UBR7: variants seen among roughly 807,000 people sequenced by gnomAD.
UBR7 encodes putative E3 ubiquitin-protein ligase UBR7.
A neutral mutation model predicts 57.0 loss-of-function variants in UBR7; 22 were observed. That is an observed-to-expected ratio of 0.39 (90% CI 0.28 to 0.55). UBR7 has a LOEUF of 0.55. UBR7 is among the 20% of genes least tolerant of loss of function. The pLI is 0.69. For synonymous variants in UBR7, 167 were observed against 179.8 expected, an observed-to-expected ratio of 0.93 and a Z score of 0.57; for missense variants, 395 against 513.2, an observed-to-expected ratio of 0.77 and a Z score of 2.23.
chr14:93,228,452 CTG>C lies in UBR7; in HGVS notation c.*1421_*1422del. 1 of 454,146 alleles carries C rather than the reference CTG, an allele frequency of 2.2e-6. No individual in the cohort carries two copies. The highest frequency in any genetic ancestry group is 4.4e-6 in the Non-Finnish European group (1 of 226,800). 28.1% of individuals were successfully genotyped at this position (454,146 alleles called of 1,614,324 possible). The stretch of plus-strand genomic sequence containing the variant: ...TTAATACTCCTTATGTGTCCAGCAT[CTG>C]TGTATTCATTCGAGTGCCCAATCCC... On this transcript the variant is annotated 3_prime_UTR_variant, in exon 11 of 11. Transcript: ENST00000013070.
intron 6 of UBR7, among the ~76,000 whole-genome samples, chr14:93,216,101 TA>T (rs957696445): frequency 1.3e-5 from 2 of 152,224 alleles, no homozygotes; most frequent in African/African-American, 4.8e-5. Context: ...CCGTACCTGT[TA>T]AAAGGGGCAA....
At position 93,228,188 on chromosome 14, in the gene UBR7, TC is replaced by T. The variant is rs1350996985; in HGVS notation, c.*1154del. The T allele has an allele frequency of 1.9e-6, 1 of 536,182 alleles. No individual in the cohort carries two copies. The highest frequency in any genetic ancestry group is 1.9e-5 in the African/African-American group (1 of 53,450). 33.2% of individuals were successfully genotyped at this position (536,182 alleles called of 1,614,324 possible). ...CGCCACTTCCCTAACGACTATGAGA[TC>T]TTTTTTTTGAAGATCCTCATGGAAG... On this transcript the variant is annotated 3_prime_UTR_variant, in exon 11 of 11. Transcript: ENST00000013070.
intron 9 of UBR7, among the ~76,000 whole-genome samples, chr14:93,221,983 T>C (rs755733911): frequency 1.3e-5 from 2 of 151,968 alleles, no homozygotes; most frequent in Non-Finnish European, 2.9e-5. Context: ...AAATTAAATA[T>C]TCAACAAGTC....
chr14:93,216,526 A>G (rs1181279561), intron 6 of UBR7, among the ~76,000 whole-genome samples: 1 of 151,958 alleles, frequency 6.6e-6, no homozygotes, highest in African/African-American at 2.4e-5. Context: ...ATCTTTAGAG[A>G]CCAGTTCACC....
chr14:93,225,426 A>G (rs2140109467), intron 10 of UBR7, among the ~76,000 whole-genome samples: 1 of 150,396 alleles, frequency 6.6e-6, no homozygotes, highest in African/African-American at 2.5e-5. Context: ...CAGGAGTTCA[A>G]GACTAGCCTG....
At position 93,219,306 on chromosome 14, in the gene UBR7, C is replaced by T. The variant is rs370366278; in HGVS notation, c.905C>T (p.Ala302Val). The T allele has an allele frequency of 5.0e-6, 8 of 1,614,074 alleles. No individual in the cohort carries two copies. The highest frequency in any genetic ancestry group is 6.8e-6 in the Non-Finnish European group (8 of 1,180,048). Reference protein sequence around the residue: ...KAKQLIKKDTATYWPLNWRSK... With the variant: ...KAKQLIKKDTVTYWPLNWRSK... ...AAGCAGCTTATAAAGAAAGACACTG[C>T]CACCTATTGGCCCCTGAACTGGCGT... Residue 302 changes from alanine (A) to valine (V), a missense_variant, in exon 8 of 11, where the codon GCC (alanine) becomes GTC (valine). Ala to Val is a moderately conservative substitution (Grantham distance 64). Transcript: ENST00000013070.
chr14:93,221,172 G>A lies in UBR7; in HGVS notation c.1123+761G>A, dbSNP rs144666329. ...GTCACCCAGGCTGGAGTGCAGTGGCGCGATCTCGGCTCACTGCAACCTCTG... is the reference window on the plus strand; with the variant it reads ...GTCACCCAGGCTGGAGTGCAGTGGCACGATCTCGGCTCACTGCAACCTCTG... On this transcript the variant is annotated intron_variant, in intron 9 of 10. Transcript: ENST00000013070. 2.2e-3 allele frequency among the ~76,000 whole-genome samples: 324 copies of A among 150,430 alleles called. 7 individuals carry two copies. Among genetic ancestry groups the A allele is most frequent in the East Asian group, 0.019 (98 of 5,080 alleles).
At chr14:93,225,800 T>A (rs1894837730) in intron 10 of UBR7, among the ~76,000 whole-genome samples, 3 of 152,356 alleles carry the variant, frequency 2.0e-5, no homozygotes, top group Middle Eastern at 6.8e-3. Context: ...CAGTCTCATT[T>A]GTGTGTTGTT....
chr14:93,218,085 ACT>A (rs1445779854), intron 6 of UBR7, among the ~76,000 whole-genome samples: 2 of 133,560 alleles, frequency 1.5e-5, no homozygotes, highest in Non-Finnish European at 3.1e-5. Context: ...CAAGAGCGAA[ACT>A]CTATCTCAAA....
chr14:93,228,625 G>A lies in UBR7; in HGVS notation c.*1590G>A, dbSNP rs1566826700. ...AGGTCTTGTGGCCACAGGACATGCTGGTGAGCCCTGAGCTGGCCTTGTGCA... is the reference window on the plus strand; with the variant it reads ...AGGTCTTGTGGCCACAGGACATGCTAGTGAGCCCTGAGCTGGCCTTGTGCA... On this transcript the variant is annotated 3_prime_UTR_variant, in exon 11 of 11. Transcript: ENST00000013070. 1 of 454,124 alleles carries A rather than the reference G, an allele frequency of 2.2e-6. No homozygotes were observed. Among genetic ancestry groups the A allele is most frequent in the Non-Finnish European group, 4.4e-6 (1 of 226,792 alleles). 28.1% of individuals were successfully genotyped at this position (454,124 alleles called of 1,614,324 possible). A position where few individuals can be genotyped will look rare whatever the true frequency, so the allele number is the denominator to read the frequency against.
intron 1 of UBR7, 70 bp downstream of exon 1, chr14:93,207,511 C>T: frequency 1.4e-6 from 2 of 1,466,304 alleles, no homozygotes; most frequent in Non-Finnish European, 1.8e-6. Flanking sequence ...CCGGCTGTCC[C>T]TATTCCCGCC....
chr14:93,209,214 A>G (rs1894431012), intron 1 of UBR7, among the ~76,000 whole-genome samples: 1 of 152,254 alleles, frequency 6.6e-6, no homozygotes, highest in Non-Finnish European at 1.5e-5. Context: ...TAAGTTGCAG[A>G]CACGATGACA....
rs546045015 is a variant in UBR7, at chr14:93,210,176, C to T, written c.284+219C>T. Among the ~76,000 whole-genome samples, 40 of 151,984 alleles carry T rather than the reference C, an allele frequency of 2.6e-4. 1 individual carries two copies. In the South Asian group the frequency reaches 2.7e-3, roughly 10 times the overall value. On this transcript the variant is annotated intron_variant, in intron 2 of 10. Transcript: ENST00000013070. ...TAGGCTCACTGCAAGCTCCGTCTCCCGGGTTCACGCCATTCTCCTGCCTCA... is the reference window on the plus strand; with the variant it reads ...TAGGCTCACTGCAAGCTCCGTCTCCTGGGTTCACGCCATTCTCCTGCCTCA...
chr14:93,215,904 G>A (rs1041722710), intron 6 of UBR7, among the ~76,000 whole-genome samples: 2 of 152,158 alleles, frequency 1.3e-5, no homozygotes, highest in Admixed American at 6.5e-5. Context: ...CATGGTATCA[G>A]TTGGGGAGGA....
chr14:93,207,421 G>C lies in UBR7; in HGVS notation c.130G>C (p.Glu44Gln). The C allele has an allele frequency of 6.4e-7, 1 of 1,554,254 alleles. No individual in the cohort carries two copies. The highest frequency in any genetic ancestry group is 8.7e-7 in the Non-Finnish European group (1 of 1,151,790). The change falls in exon 1 of 11, where the codon GAG (glutamate) becomes CAG (glutamine). Residue 44 changes from glutamate (E) to glutamine (Q), a missense_variant. By Grantham distance (29) the Glu-to-Gln change is conservative. Transcript: ENST00000013070. The part of the protein sequence containing the change: ...ACAVLGGSDS[E>Q]KCSYSQGSVK... ...CGCTGTCCTGGGCGGCAGCGACTCCGAGAAGTGCTCCTACTCTCAGGTGGG... is the reference window on the plus strand; with the variant it reads ...CGCTGTCCTGGGCGGCAGCGACTCCCAGAAGTGCTCCTACTCTCAGGTGGG...
rs1271128836 is a variant in UBR7 at position 93,227,134 on chromosome 14, C to T, written c.*99C>T. On this transcript the variant is annotated 3_prime_UTR_variant, in exon 11 of 11. Coordinates refer to ENST00000013070, the MANE Select transcript of UBR7 (RefSeq NM_175748.4). ...TCACATTTGGCCCCCTTTCCGTCCT[C>T]CTCTGTTTGGAGAGGCCTCGCGCTC... The T allele has an allele frequency of 1.1e-6, 1 of 927,656 alleles. No individual in the cohort carries two copies. Among genetic ancestry groups the T allele is most frequent in the Non-Finnish European group, 1.7e-6 (1 of 593,480 alleles). The allele number at this position is 927,656 out of a possible 1,614,324, so 57.5% of individuals were successfully genotyped here.
Position 93,218,633 on chromosome 14 carries a change from C to T in UBR7, c.708C>T (p.Leu236=). The T allele has an allele frequency of 6.2e-7, 1 of 1,614,010 alleles. No individual in the cohort carries two copies. Residue 236 remains leucine (L), a synonymous_variant, in exon 7 of 11, where the codon CTC becomes CTT. Coordinates refer to ENST00000013070, the MANE Select transcript of UBR7 (RefSeq NM_175748.4). ...PENGEHQDST[L]KEDVPEQGKD... is the part of the protein sequence containing the mutation. ...ATGGAGAGCATCAAGATAGTACCCTCAAAGAGGATGTTCCAGAACAGGGAA... is the reference window on the plus strand; with the variant it reads ...ATGGAGAGCATCAAGATAGTACCCTTAAAGAGGATGTTCCAGAACAGGGAA...
chr14:93,211,275 G>A (rs113721162), intron 3 of UBR7, among the ~76,000 whole-genome samples: 17 of 151,894 alleles, frequency 1.1e-4, no homozygotes, highest in African/African-American at 3.4e-4. Flanking sequence ...GGCCGGGCAC[G>A]GTGGCTCACA....
intron 6 of UBR7, among the ~76,000 whole-genome samples, chr14:93,216,075 A>G (rs1371742882): frequency 6.6e-6 from 1 of 152,236 alleles, no homozygotes; most frequent in Non-Finnish European, 1.5e-5. Flanking sequence ...CCTCATAGAC[A>G]GATCCTTCTA....
Sources: allele counts gnomAD v4.1 joint callset (sites outside exome capture counted in the v4.1 genomes callset), GRCh38; gene constraint gnomAD v4.1.1; transcripts MANE v1.5; gene names NCBI Gene and HGNC (gene_info 2026-07-23, HGNC 2026-07-21).